RFC3: variants seen among roughly 807,000 people sequenced by gnomAD.
RFC3 encodes A1 38 kDa subunit.
In RFC3, 41 loss-of-function variants were observed where a neutral mutation model predicts 45.1. The ratio of observed to expected loss-of-function variants is 0.91; its 90% confidence interval spans 0.71 to 1.18. RFC3 has a LOEUF of 1.18. RFC3 is among the 50% of genes most tolerant of loss of function. RFC3 has a pLI of 0.00. For synonymous variants in RFC3, 149 were observed against 144.0 expected (o/e 1.03, Z -0.25); for missense variants, 423 against 428.1 (o/e 0.99, Z 0.10).
intron 8 of RFC3, among the ~76,000 whole-genome samples, chr13:33,882,673 G>A (rs919606537): frequency 5.9e-5 from 9 of 152,154 alleles, no homozygotes; most frequent in African/African-American, 2.2e-4. Context: ...AAATGTTTGT[G>A]GTTTAAGCCA....
chr13:33,976,186 CATACTG>C, the RFC3 span, among the ~76,000 whole-genome samples: 1 of 152,260 alleles, frequency 6.6e-6, no homozygotes, highest in African/African-American at 2.4e-5. Flanking sequence ...TTCACAAACT[CATACTG>C]ATATAGAAAA....
intron 7 of RFC3, among the ~76,000 whole-genome samples, chr13:33,834,784 A>G (rs939448104): frequency 2.6e-5 from 4 of 152,110 alleles, no homozygotes; most frequent in East Asian, 3.9e-4. Flanking sequence ...CATGGTGTGA[A>G]TAAGCTCAAC....
chr13:33,884,286 G>T lies in RFC3; in HGVS notation c.879+49069G>T, dbSNP rs186310641. 4.6e-3 allele frequency among the ~76,000 whole-genome samples: 696 copies of T among 152,252 alleles called. 4 individuals carry two copies. Among genetic ancestry groups the T allele is most frequent in the African/African-American group, 0.016 (652 of 41,540 alleles). ...TTGGGTTCTGCGCTGACCAAAGTGT[G>T]CTTGCTTTGGAGAAATTTTATATTC... On this transcript the variant is annotated intron_variant, in intron 8 of 8. Coordinates refer to the RFC3 transcript ENST00000434425.
chr13:33,922,249 G>A (rs777948901), intron 8 of RFC3, among the ~76,000 whole-genome samples: 2 of 150,390 alleles, frequency 1.3e-5, no homozygotes, highest in Admixed American at 6.7e-5. Flanking sequence ...TCCATTTTGA[G>A]TGTATAATTC....
intron 8 of RFC3, among the ~76,000 whole-genome samples, chr13:33,886,556 G>GA (rs1263964594): frequency 6.9e-6 from 1 of 145,584 alleles, no homozygotes; most frequent in Non-Finnish European, 1.5e-5. Context: ...AAAAAAAAAA[G>GA]AAAAAAAACC....
intron 8 of RFC3, among the ~76,000 whole-genome samples, chr13:33,857,940 T>C (rs942740400): frequency 2.0e-5 from 3 of 152,182 alleles, no homozygotes; most frequent in Admixed American, 6.5e-5. Flanking sequence ...AAGGGAATTT[T>C]TGAGCAAAAT....
At chr13:33,886,591 T>C (rs2082525651) in intron 8 of RFC3, among the ~76,000 whole-genome samples, 1 of 151,532 alleles carries the variant, frequency 6.6e-6, no homozygotes, top group Non-Finnish European at 1.5e-5. Context: ...CCACTTTCTG[T>C]AGTATCCTGT....
intron 7 of RFC3, among the ~76,000 whole-genome samples, chr13:33,834,796 C>T (rs561232918): frequency 2.9e-4 from 44 of 152,100 alleles, no homozygotes; most frequent in Middle Eastern, 3.4e-3. Flanking sequence ...AAGCTCAACC[C>T]GCGCTCTTCA....
At chr13:33,889,936 C>T (rs961157851) in intron 8 of RFC3, among the ~76,000 whole-genome samples, 1 of 152,162 alleles carries the variant, frequency 6.6e-6, no homozygotes, top group African/African-American at 2.4e-5. Flanking sequence ...AGAACAAAGA[C>T]ATTTTGTTAG....
chr13:33,969,812 A>G (rs550990328), downstream of RFC3, among the ~76,000 whole-genome samples: 1 of 152,270 alleles, frequency 6.6e-6, no homozygotes, highest in South Asian at 2.1e-4. Flanking sequence ...TCACAAAGAT[A>G]TAACTATAGA....
chr13:33,855,030 A>G (rs571933743), intron 8 of RFC3, among the ~76,000 whole-genome samples: 1 of 152,280 alleles, frequency 6.6e-6, no homozygotes, highest in East Asian at 1.9e-4. Flanking sequence ...AATCAAAACA[A>G]TCGACTAGCG....
intron 8 of RFC3, among the ~76,000 whole-genome samples, chr13:33,858,881 G>C (rs1235760188): frequency 3.3e-5 from 5 of 152,076 alleles, no homozygotes; most frequent in Non-Finnish European, 2.9e-5. Context: ...TCTGTTTCTT[G>C]GACATCTCTT....
chr13:33,839,774 T>G (rs2082184202), downstream of RFC3, among the ~76,000 whole-genome samples: 1 of 152,254 alleles, frequency 6.6e-6, no homozygotes, highest in African/African-American at 2.4e-5. Flanking sequence ...TCATTTCTTG[T>G]GAAGCAGGTC....
At chr13:33,929,650 C>T (rs1327496940) in intron 8 of RFC3, among the ~76,000 whole-genome samples, 2 of 151,888 alleles carry the variant, frequency 1.3e-5, no homozygotes, top group Non-Finnish European at 2.9e-5. Context: ...CTATAATTTT[C>T]TCTATAAATG....
intron 8 of RFC3, among the ~76,000 whole-genome samples, chr13:33,927,412 G>C (rs2082820859): frequency 6.6e-6 from 1 of 152,048 alleles, no homozygotes; most frequent in African/African-American, 2.4e-5. Flanking sequence ...GGTGAGCTCT[G>C]ATTGGTGAGT....
intron 5 of RFC3, among the ~76,000 whole-genome samples, chr13:33,830,502 C>G (rs2082091964): frequency 6.6e-6 from 1 of 152,114 alleles, no homozygotes; most frequent in Admixed American, 6.6e-5. Flanking sequence ...CATTAAATAT[C>G]TTTCCAGCTT....
chr13:33,930,773 T>C (rs2082846970), intron 8 of RFC3, among the ~76,000 whole-genome samples: 1 of 152,114 alleles, frequency 6.6e-6, no homozygotes, highest in African/African-American at 2.4e-5. Flanking sequence ...TATGTATCGA[T>C]GTAACGTACT....
At chr13:33,937,363 AAATAGCCT>A in intron 8 of RFC3, among the ~76,000 whole-genome samples, 1 of 152,324 alleles carries the variant, frequency 6.6e-6, no homozygotes, top group African/African-American at 2.4e-5. Context: ...TAAAATGATG[AAATAGCCT>A]AATATTGCAT....
chr13:33,941,964 C>T (rs1333867826), intron 8 of RFC3, among the ~76,000 whole-genome samples: 1 of 152,030 alleles, frequency 6.6e-6, no homozygotes, highest in Non-Finnish European at 1.5e-5. Flanking sequence ...TGCATATTTT[C>T]TATCTTCCTG....
Sources: gnomAD v4.1 joint callset for allele counts (sites outside exome capture counted in the v4.1 genomes callset) on GRCh38, gnomAD v4.1.1 for gene constraint, MANE v1.5 for transcripts, NCBI Gene and HGNC (gene_info 2026-07-23, HGNC 2026-07-21) for gene names.